Variants in VWA8 observed in about 807,000 individuals in gnomAD.
VWA8 encodes von Willebrand factor A domain-containing protein 8.
VWA8 carries 221 observed loss-of-function variants against 241.5 expected under a neutral mutation model. The observed-to-expected ratio is 0.91, with a 90% CI of 0.82 to 1.02. VWA8 has a LOEUF of 1.02. Ranked by LOEUF, VWA8 falls within the 50% of genes least tolerant of loss-of-function variation. The probability of loss-of-function intolerance (pLI) is 0.00; values close to 1 mark genes in which losing one functional copy is unlikely to be tolerated. For missense variants in VWA8, 2,322 were observed against 2,328.7 expected, an observed-to-expected ratio of 1.00 and a Z score of 0.06; for synonymous variants, 852 against 827.1, an observed-to-expected ratio of 1.03 and a Z score of -0.52.
intron 2 of VWA8, among the ~76,000 whole-genome samples, chr13:41,937,475 C>G (rs1877402817): frequency 6.6e-6 from 1 of 152,122 alleles, no homozygotes; most frequent in Non-Finnish European, 1.5e-5. Context: ...AGGGTTTGTC[C>G]TCCTATAAGA....
chr13:41,904,687 G>A (rs959560894), intron 4 of VWA8, among the ~76,000 whole-genome samples: 2 of 152,074 alleles, frequency 1.3e-5, no homozygotes, highest in African/African-American at 2.4e-5. Flanking sequence ...CAGATTTACT[G>A]TTTAGTAGCC....
Position 41,598,355 on chromosome 13 carries a change from T to C in VWA8, c.4986+6813A>G, listed in dbSNP as rs573547928. 6.4e-4 allele frequency among the ~76,000 whole-genome samples: 98 copies of C among 152,198 alleles called. 1 individual carries two copies. The South Asian group carries it at 0.015, about 23-fold the overall frequency. ...AAAACTAATATGAGAATTTAGGCCC[T>C]GTTTATTAAATTCATAATTTTTAAT... On this transcript the variant is annotated intron_variant, in intron 40 of 44. Coordinates refer to ENST00000379310, the MANE Select transcript of VWA8 (RefSeq NM_015058.2).
chr13:41,735,538 T>C (rs2045518087), intron 21 of VWA8, among the ~76,000 whole-genome samples: 1 of 152,136 alleles, frequency 6.6e-6, no homozygotes, highest in Admixed American at 6.5e-5. Flanking sequence ...AGTGGAGTAG[T>C]ATGTGAGAAA....
At chr13:41,710,029 A>T (rs1317084784) in intron 26 of VWA8, among the ~76,000 whole-genome samples, 2 of 152,022 alleles carry the variant, frequency 1.3e-5, no homozygotes, top group African/African-American at 4.8e-5. Flanking sequence ...TCACCTTTAT[A>T]ATTCATACTC....
At chr13:41,706,129 C>T (rs2045281184) in intron 26 of VWA8, among the ~76,000 whole-genome samples, 1 of 152,006 alleles carries the variant, frequency 6.6e-6, no homozygotes, top group Non-Finnish European at 1.5e-5. Flanking sequence ...AATAAAAAAC[C>T]TTCATCCATT....
intron 9 of VWA8, among the ~76,000 whole-genome samples, chr13:41,876,815 GCTCT>G (rs67165388): frequency 0.094 from 14,280 of 152,002 alleles, 839 homozygotes; most frequent in African/African-American, 0.17. Context: ...TGTTCCCAAT[GCTCT>G]CTAAGAATAC....
rs769508456 is a variant in VWA8 at position 41,865,934 on chromosome 13, T to C, written c.1315A>G (p.Met439Val). Residue 439 changes from methionine to valine, a missense_variant, in exon 11 of 45, where the codon ATG (methionine) becomes GTG (valine). Met to Val is a conservative substitution (Grantham distance 21). Transcript: ENST00000379310. ...CCAATTAAACATATATCTTTAACCA[T>C]GTGAGACTGCATCATTTCAGCCTGT... ...QLQAEMMQSHMVKDICLIGGK... is the reference protein window; with the variant it reads ...QLQAEMMQSHVVKDICLIGGK... The C allele has an allele frequency of 6.2e-7, 1 of 1,614,252 alleles. No homozygotes were observed. Among genetic ancestry groups the C allele is most frequent in the South Asian group, 1.1e-5 (1 of 91,090 alleles).
At chr13:41,907,766 A>G (rs1164980001) in intron 3 of VWA8, 70 bp from the exon 4 acceptor site, 1 of 1,344,150 alleles carries the variant, frequency 7.4e-7, no homozygotes, top group African/African-American at 1.4e-5. Context: ...GGAACTAGTT[A>G]TCTGACAATG....
intron 9 of VWA8, among the ~76,000 whole-genome samples, chr13:41,877,072 T>G (rs1873932554): frequency 1.3e-5 from 2 of 152,186 alleles, no homozygotes; most frequent in South Asian, 4.1e-4. Flanking sequence ...TTTTCAAGTC[T>G]GCTAGATAAA....
chr13:41,830,659 A>C lies in VWA8; in HGVS notation c.1587-17T>G. 1 of 1,603,822 alleles carries C rather than the reference A, an allele frequency of 6.2e-7. No individual in the cohort carries two copies. On this transcript the variant is annotated splice_polypyrimidine_tract_variant and intron_variant, in intron 13 of 44. Coordinates refer to ENST00000379310, the MANE Select transcript of VWA8 (RefSeq NM_015058.2). ...TGGATTAACCTAACAAGATAAGAAA[A>C]AAGCCCGAAAATAAATTAATGTGTT... is the stretch of plus-strand genomic sequence containing the variant.
At chr13:41,742,420 T>C (rs946970782) in intron 21 of VWA8, among the ~76,000 whole-genome samples, 1 of 152,158 alleles carries the variant, frequency 6.6e-6, no homozygotes, top group Admixed American at 6.5e-5. Flanking sequence ...GAATATGTAA[T>C]TGTGATAAAA....
At chr13:41,609,889 C>A (rs2044576388) in intron 39 of VWA8, among the ~76,000 whole-genome samples, 1 of 152,176 alleles carries the variant, frequency 6.6e-6, no homozygotes, top group African/African-American at 2.4e-5. Flanking sequence ...TCCTCTCTTA[C>A]ATCCGCTAAA....
At chr13:41,624,513 G>T (rs2044676185) in intron 37 of VWA8, among the ~76,000 whole-genome samples, 1 of 152,122 alleles carries the variant, frequency 6.6e-6, no homozygotes, top group African/African-American at 2.4e-5. Context: ...TGCAAGGCTG[G>T]TTCAACATAT....
chr13:41,806,001 T>TAAAAAAAAAA (rs60826821), intron 17 of VWA8, among the ~76,000 whole-genome samples: 10 of 118,892 alleles, frequency 8.4e-5, no homozygotes, highest in South Asian at 2.5e-4. Context: ...AATTCAAAAA[T>TAAAAAAAAAA]AAAAAAAAAA....
At chr13:41,657,582 C>T (rs1012811906) in intron 37 of VWA8, among the ~76,000 whole-genome samples, 11 of 151,654 alleles carry the variant, frequency 7.3e-5, no homozygotes, top group African/African-American at 1.7e-4. Flanking sequence ...CTCCGCTTCC[C>T]GGGTTCACGC....
chr13:41,751,347 A>G (rs1478711988), intron 21 of VWA8, among the ~76,000 whole-genome samples: 2 of 152,156 alleles, frequency 1.3e-5, no homozygotes, highest in Non-Finnish European at 2.9e-5. Flanking sequence ...AGCCTTTTCA[A>G]ATTTATAATG....
chr13:41,618,764 G>A (rs1483857018), intron 37 of VWA8, among the ~76,000 whole-genome samples: 2 of 152,142 alleles, frequency 1.3e-5, no homozygotes. Context: ...TGTCAGGTTT[G>A]TCAAAGATCA....
chr13:41,611,697 C>G lies in VWA8; in HGVS notation c.4756G>C (p.Gly1586Arg), dbSNP rs1318924232. Residue 1586 changes from glycine to arginine, a missense_variant, in exon 39 of 45, where the codon GGC becomes CGC. Transcript: ENST00000379310. ...TGGCCTGCATCCAGCCGGTAAGGGC[C>G]TCCTTTGCCACCCAGGCCTGCCGTG... ...RDTAGLGGKG[G>R]PYRLDAGHTV... 8 of 1,614,052 alleles carry G rather than the reference C, an allele frequency of 5.0e-6. No individual in the cohort carries two copies. The highest frequency in any genetic ancestry group is 6.8e-6 in the Non-Finnish European group (8 of 1,179,948).
chr13:41,570,745 A>G (rs753937272), intron 43 of VWA8, 39 bp from the exon 44 acceptor site: 53 of 1,574,036 alleles, frequency 3.4e-5, no homozygotes, highest in Non-Finnish European at 4.6e-5. Context: ...CATGGCTGAG[A>G]AACTTCTTTT....
Sources: gnomAD v4.1 joint callset for allele counts (sites outside exome capture counted in the v4.1 genomes callset) on GRCh38, gnomAD v4.1.1 for gene constraint, MANE v1.5 for transcripts, NCBI Gene and HGNC (gene_info 2026-07-23, HGNC 2026-07-21) for gene names.